CCDC148: variants seen among roughly 807,000 people sequenced by gnomAD.
CCDC148 encodes the protein coiled-coil domain containing 148.
CCDC148 carries 89 observed loss-of-function variants against 85.7 expected under a neutral mutation model. The observed-to-expected ratio is 1.04, with a 90% CI of 0.87 to 1.24. The LOEUF (loss-of-function observed/expected upper bound fraction) is 1.24. Ranked by LOEUF, CCDC148 falls within the 50% of genes most tolerant of loss-of-function variation. CCDC148 has a pLI of 0.00. For missense variants in CCDC148, 692 were observed against 671.7 expected (o/e 1.03, Z -0.33); for synonymous variants, 230 against 213.9 (o/e 1.08, Z -0.66).
chr2:158,234,113 T>C (rs975608082), intron 10 of CCDC148, among the ~76,000 whole-genome samples: 1 of 151,882 alleles, frequency 6.6e-6, no homozygotes, highest in Non-Finnish European at 1.5e-5. Context: ...GAGACAGAGG[T>C]TGTAGCGGGC....
chr2:158,345,711 G>A (rs1329672587), intron 2 of CCDC148, among the ~76,000 whole-genome samples: 4 of 152,070 alleles, frequency 2.6e-5, no homozygotes, highest in African/African-American at 4.8e-5. Flanking sequence ...ATTTTTGGAG[G>A]AGAATATTTA....
chr2:158,306,832 A>G (rs894957009), intron 9 of CCDC148, among the ~76,000 whole-genome samples: 1 of 39,282 alleles, frequency 2.5e-5, no homozygotes, highest in African/African-American at 1.3e-4. Context: ...TATAATAATA[A>G]AAAAAAAAAA....
intron 10 of CCDC148, among the ~76,000 whole-genome samples, chr2:158,229,994 C>T (rs1687771807): frequency 1.3e-5 from 2 of 152,202 alleles, no homozygotes; most frequent in South Asian, 4.1e-4. Context: ...TCCGAAGTCA[C>T]TGCTCTCACT....
intron 10 of CCDC148, among the ~76,000 whole-genome samples, chr2:158,245,646 C>T (rs1688540779): frequency 6.6e-6 from 1 of 152,156 alleles, no homozygotes; most frequent in African/African-American, 2.4e-5. Flanking sequence ...CATGCAGCAA[C>T]AACATCTCCT....
At chr2:158,365,427 C>T (rs1378710368) in intron 1 of CCDC148, among the ~76,000 whole-genome samples, 1 of 152,048 alleles carries the variant, frequency 6.6e-6, no homozygotes, top group Non-Finnish European at 1.5e-5. Flanking sequence ...CAATGATAGA[C>T]TGGATAAAGA....
chr2:158,418,661 GTT>G (rs57133383), intron 1 of CCDC148, among the ~76,000 whole-genome samples: 1 of 151,100 alleles, frequency 6.6e-6, no homozygotes, highest in Non-Finnish European at 1.5e-5. Context: ...ATCCCCAACT[GTT>G]TTTTTTTCAG....
chr2:158,263,651 T>C (rs942646537), intron 9 of CCDC148, among the ~76,000 whole-genome samples: 1 of 152,022 alleles, frequency 6.6e-6, no homozygotes, highest in Non-Finnish European at 1.5e-5. Context: ...AGATTTTCCA[T>C]AAATCTACCA....
At position 158,298,098 on chromosome 2, in the gene CCDC148, C is replaced by A. The variant is rs374437418; in HGVS notation, c.1110+11335G>T. On this transcript the variant is annotated intron_variant, in intron 9 of 13. Transcript: ENST00000283233. ...ATCAGGAGAGAGAATGAGTGCCCAG[C>A]AAAGGGGGAAGCCCCTTATAAAACC... Among the ~76,000 whole-genome samples, 46 of 152,294 alleles carry A rather than the reference C, an allele frequency of 3.0e-4. No homozygotes were observed. In the South Asian group the frequency reaches 9.5e-3, roughly 32 times the overall value.
chr2:158,181,743 A>C (rs915218696), intron 11 of CCDC148, among the ~76,000 whole-genome samples: 2 of 152,084 alleles, frequency 1.3e-5, no homozygotes, highest in African/African-American at 4.8e-5. Flanking sequence ...AGAATAACCA[A>C]AAATGAGCAA....
chr2:158,397,050 A>C (rs1685552688), intron 1 of CCDC148, among the ~76,000 whole-genome samples: 2 of 152,126 alleles, frequency 1.3e-5, no homozygotes, highest in South Asian at 4.2e-4. Flanking sequence ...TACGGTGCAA[A>C]ATGAAGTGAG....
chr2:158,250,367 T>C (rs774886179), intron 10 of CCDC148, among the ~76,000 whole-genome samples: 12 of 151,996 alleles, frequency 7.9e-5, no homozygotes, highest in Non-Finnish European at 1.5e-4. Context: ...CTGTCTCTAG[T>C]ATAATATATT....
At chr2:158,401,705 A>C (rs1252360822) in intron 1 of CCDC148, among the ~76,000 whole-genome samples, 1 of 152,046 alleles carries the variant, frequency 6.6e-6, no homozygotes, top group Non-Finnish European at 1.5e-5. Context: ...TAATAATAAA[A>C]AGACTTGAAG....
At chr2:158,297,342 T>C (rs1691238014) in intron 9 of CCDC148, among the ~76,000 whole-genome samples, 1 of 152,198 alleles carries the variant, frequency 6.6e-6, no homozygotes, top group Non-Finnish European at 1.5e-5. Context: ...CATCTATAGA[T>C]GTTGACATAT....
chr2:158,174,228 A>G (rs1684458379), intron 13 of CCDC148, among the ~76,000 whole-genome samples: 1 of 152,094 alleles, frequency 6.6e-6, no homozygotes, highest in African/African-American at 2.4e-5. Context: ...TGAGGAAAAC[A>G]AGGCATAAAG....
intron 1 of CCDC148, among the ~76,000 whole-genome samples, chr2:158,392,831 T>C (rs2105298306): frequency 6.6e-6 from 1 of 152,260 alleles, no homozygotes; most frequent in Admixed American, 6.6e-5. Context: ...GGATTGCTAC[T>C]GTTGTTGTTA....
chr2:158,238,945 G>A (rs1163769094), intron 10 of CCDC148, among the ~76,000 whole-genome samples: 1 of 152,116 alleles, frequency 6.6e-6, no homozygotes, highest in Non-Finnish European at 1.5e-5. Context: ...GACCACTCAG[G>A]TTCAAATCCT....
At chr2:158,318,754 C>T (rs950858436) in intron 7 of CCDC148, among the ~76,000 whole-genome samples, 3 of 150,782 alleles carry the variant, frequency 2.0e-5, no homozygotes, top group Admixed American at 2.0e-4. Context: ...ATAACATGAC[C>T]GAGATAAAAT....
At chr2:158,193,270 C>T (rs1016126612) in intron 11 of CCDC148, among the ~76,000 whole-genome samples, 24 of 151,988 alleles carry the variant, frequency 1.6e-4, no homozygotes, top group African/African-American at 5.1e-4. Context: ...TTGTTTGCAC[C>T]GCCCCAATTC....
intron 10 of CCDC148, among the ~76,000 whole-genome samples, chr2:158,222,017 A>C (rs1230167425): frequency 6.6e-6 from 1 of 152,206 alleles, no homozygotes; most frequent in African/African-American, 2.4e-5. Context: ...TGATTATGTC[A>C]TCTCCATCTG....
Sources: gnomAD v4.1 joint callset for allele counts (sites outside exome capture counted in the v4.1 genomes callset) on GRCh38, gnomAD v4.1.1 for gene constraint, MANE v1.5 for transcripts, NCBI Gene and HGNC (gene_info 2026-07-23, HGNC 2026-07-21) for gene names.